GALNT13: variants seen among roughly 807,000 people sequenced by gnomAD.
GALNT13 encodes the protein polypeptide N-acetylgalactosaminyltransferase 13, also known as UDP-GalNAc:polypeptide N-acetylgalactosaminyltransferase 13.
GALNT13 carries 28 observed loss-of-function variants against 64.2 expected under a neutral mutation model. The observed-to-expected ratio is 0.44, with a 90% CI of 0.32 to 0.60. The LOEUF (loss-of-function observed/expected upper bound fraction) is 0.60. Ranked by LOEUF, GALNT13 falls within the 20% of genes least tolerant of loss-of-function variation. GALNT13 has a pLI of 0.05. For missense variants in GALNT13, 577 were observed against 669.8 expected (o/e 0.86, Z 1.53); for synonymous variants, 214 against 224.6 (o/e 0.95, Z 0.42).
chr2:154,032,864 C>CTTTTTT (rs70981694), intron 3 of GALNT13, among the ~76,000 whole-genome samples: 3 of 110,100 alleles, frequency 2.7e-5, no homozygotes, highest in Non-Finnish European at 5.3e-5. Flanking sequence ...CCTACATTTC[C>CTTTTTT]TTTTTTTTTT....
chr2:153,949,068 T>C (rs1003230381), intron 3 of GALNT13, among the ~76,000 whole-genome samples: 1 of 152,112 alleles, frequency 6.6e-6, no homozygotes, highest in Non-Finnish European at 1.5e-5. Flanking sequence ...ACAAATACAA[T>C]TGTGTTATAA....
intron 9 of GALNT13, among the ~76,000 whole-genome samples, chr2:154,360,630 C>T (rs182827933): frequency 9.2e-5 from 14 of 152,234 alleles, no homozygotes; most frequent in Admixed American, 5.2e-4. Context: ...AAATTTGCAA[C>T]GTGTACCTAT....
chr2:153,369,938 C>G, the GALNT13 span, among the ~76,000 whole-genome samples: 1 of 152,084 alleles, frequency 6.6e-6, no homozygotes, highest in Non-Finnish European at 1.5e-5. Context: ...TGTAAGCCAG[C>G]CTCCTTATTT....
intron 3 of GALNT13, among the ~76,000 whole-genome samples, chr2:154,002,758 A>G (rs1451410202): frequency 6.6e-6 from 1 of 152,010 alleles, no homozygotes; most frequent in Admixed American, 6.6e-5. Flanking sequence ...CACCTCTTCC[A>G]TCTATTGCAG....
At chr2:153,817,731 G>A in the GALNT13 span, among the ~76,000 whole-genome samples, 1 of 152,026 alleles carries the variant, frequency 6.6e-6, no homozygotes. Flanking sequence ...TCATTGAATA[G>A]TTATTTTCTT....
chr2:153,856,469 G>T, the GALNT13 span, among the ~76,000 whole-genome samples: 2 of 152,144 alleles, frequency 1.3e-5, no homozygotes, highest in Admixed American at 1.3e-4. Context: ...TGGATCTAAG[G>T]TTTGAATGAC....
chr2:154,391,000 A>G (rs1281589282), intron 9 of GALNT13, among the ~76,000 whole-genome samples: 2 of 152,208 alleles, frequency 1.3e-5, no homozygotes, highest in African/African-American at 2.4e-5. Flanking sequence ...GCTTGACCAC[A>G]GTAAATATCT....
chr2:153,233,351 A>G, the GALNT13 span, among the ~76,000 whole-genome samples: 2 of 152,088 alleles, frequency 1.3e-5, no homozygotes, highest in Admixed American at 1.3e-4. Flanking sequence ...AATATTTTTT[A>G]TTCCTATAGA....
chr2:153,995,975 A>G (rs984483701), intron 3 of GALNT13, among the ~76,000 whole-genome samples: 2 of 152,118 alleles, frequency 1.3e-5, no homozygotes, highest in African/African-American at 4.8e-5. Context: ...TATCCTCTAG[A>G]TTTATCTGTG....
At chr2:153,333,674 A>C in the GALNT13 span, among the ~76,000 whole-genome samples, 4 of 152,226 alleles carry the variant, frequency 2.6e-5, no homozygotes, top group African/African-American at 9.6e-5. Flanking sequence ...ATTTCCTACT[A>C]TCCATATTGG....
At chr2:153,326,384 G>A in the GALNT13 span, among the ~76,000 whole-genome samples, 27 of 142,700 alleles carry the variant, frequency 1.9e-4, no homozygotes, top group African/African-American at 6.8e-4. Context: ...GTGTGTCTTT[G>A]CACATGAGAT....
chr2:153,623,068 C>T, the GALNT13 span, among the ~76,000 whole-genome samples: 3 of 151,988 alleles, frequency 2.0e-5, no homozygotes. Context: ...TTTATTAATT[C>T]TGATGCTTAG....
chr2:153,084,867 T>C, the GALNT13 span, among the ~76,000 whole-genome samples: 403 of 152,284 alleles, frequency 2.6e-3, 1 homozygote, highest in African/African-American at 9.4e-3. Flanking sequence ...GCTGTAAAGA[T>C]ACCCAGAAAT....
chr2:153,092,187 G>T, the GALNT13 span, among the ~76,000 whole-genome samples: 18 of 152,174 alleles, frequency 1.2e-4, no homozygotes, highest in South Asian at 4.1e-4. Context: ...TCTCTATTCT[G>T]TTCCTTTGGT....
the GALNT13 span, among the ~76,000 whole-genome samples, chr2:153,372,867 T>C: frequency 1.3e-5 from 2 of 152,202 alleles, no homozygotes; most frequent in African/African-American, 2.4e-5. Context: ...AACTATCTTT[T>C]CTTTTTTATG....
At chr2:153,941,229 C>T (rs1050081659) in intron 2 of GALNT13, among the ~76,000 whole-genome samples, 1 of 152,134 alleles carries the variant, frequency 6.6e-6, no homozygotes, top group African/African-American at 2.4e-5. Flanking sequence ...CTTCTGACCT[C>T]AGATGATCCG....
chr2:153,773,959 T>G, the GALNT13 span, among the ~76,000 whole-genome samples: 1 of 152,314 alleles, frequency 6.6e-6, no homozygotes, highest in East Asian at 1.9e-4. Context: ...GAACACTATA[T>G]TAATGTACAC....
intron 3 of GALNT13, among the ~76,000 whole-genome samples, chr2:154,067,602 G>A (rs1016303430): frequency 3.3e-5 from 5 of 151,996 alleles, no homozygotes; most frequent in Admixed American, 3.3e-4. Context: ...TTGTAAATAT[G>A]TATGCAACCA....
At chr2:153,971,140 T>C (rs1693710663) in intron 3 of GALNT13, among the ~76,000 whole-genome samples, 1 of 152,166 alleles carries the variant, frequency 6.6e-6, no homozygotes. Context: ...CTGTATGTAA[T>C]GTTCTTTCTC....
Sources: allele counts gnomAD v4.1 joint callset (sites outside exome capture counted in the v4.1 genomes callset), GRCh38; gene constraint gnomAD v4.1.1; transcripts MANE v1.5; gene names NCBI Gene and HGNC (gene_info 2026-07-23, HGNC 2026-07-21).